Variants in SNX29 observed in about 807,000 individuals in gnomAD.
SNX29 encodes sorting nexin 29.
In SNX29, 78 loss-of-function variants were observed where a neutral mutation model predicts 102.1. That is an observed-to-expected ratio of 0.76 (90% CI 0.64 to 0.92). The LOEUF (loss-of-function observed/expected upper bound fraction) is 0.92, where lower values mean the gene tolerates loss of function less well. Ranked by LOEUF, SNX29 falls within the 40% of genes least tolerant of loss-of-function variation. SNX29 has a pLI of 0.00. For synonymous variants in SNX29, 580 were observed against 414.5 expected, an observed-to-expected ratio of 1.40 and a Z score of -4.85; for missense variants, 1,280 against 1,061.7, an observed-to-expected ratio of 1.21 and a Z score of -2.86.
At chr16:11,988,170 T>G (rs1327517720) in intron 1 of SNX29, among the ~76,000 whole-genome samples, 1 of 151,942 alleles carries the variant, frequency 6.6e-6, no homozygotes, top group Non-Finnish European at 1.5e-5. Context: ...GGCGGGTGCC[T>G]GTAATCCCAG....
intron 14 of SNX29, among the ~76,000 whole-genome samples, chr16:12,273,946 C>A (rs565571918): frequency 6.6e-6 from 1 of 152,186 alleles, no homozygotes; most frequent in Admixed American, 6.5e-5. Flanking sequence ...AATAGTACAA[C>A]CCTGCATGGC....
intron 20 of SNX29, among the ~76,000 whole-genome samples, chr16:12,542,634 G>C (rs373190754): frequency 6.6e-6 from 1 of 152,180 alleles, no homozygotes; most frequent in Admixed American, 6.5e-5. Context: ...ACCCAGTGTG[G>C]GTCTAACACT....
intron 15 of SNX29, among the ~76,000 whole-genome samples, chr16:12,328,997 C>A (rs142578919): frequency 1.3e-5 from 2 of 152,026 alleles, no homozygotes; most frequent in African/African-American, 4.8e-5. Context: ...CCTGGCCAGG[C>A]ATGATGGCTC....
intron 16 of SNX29, among the ~76,000 whole-genome samples, chr16:12,392,217 C>T (rs565396516): frequency 3.3e-5 from 5 of 152,338 alleles, no homozygotes; most frequent in South Asian, 2.1e-4. Flanking sequence ...TTCATAGCTG[C>T]GCAGCCTGGC....
intron 6 of SNX29, among the ~76,000 whole-genome samples, chr16:12,047,167 G>T (rs1261917441): frequency 1.3e-5 from 2 of 152,196 alleles, no homozygotes; most frequent in Admixed American, 1.3e-4. Flanking sequence ...TCATGGGGCT[G>T]TGAGAGAATC....
intron 14 of SNX29, among the ~76,000 whole-genome samples, chr16:12,215,649 G>A (rs1030386060): frequency 6.6e-6 from 1 of 152,162 alleles, no homozygotes; most frequent in Non-Finnish European, 1.5e-5. Context: ...GCCCTAGTTG[G>A]GTGCACTTAA....
At chr16:11,980,939 A>G (rs1186987764) in intron 1 of SNX29, among the ~76,000 whole-genome samples, 1 of 148,164 alleles carries the variant, frequency 6.7e-6, no homozygotes, top group Non-Finnish European at 1.5e-5. Context: ...CTCCCCTTCC[A>G]TGGTTTGTCT....
intron 14 of SNX29, among the ~76,000 whole-genome samples, chr16:12,247,241 C>T (rs1322310949): frequency 6.6e-6 from 1 of 152,108 alleles, no homozygotes; most frequent in East Asian, 1.9e-4. Flanking sequence ...GCTGGCTCTT[C>T]AGGTGGAGAT....
intron 18 of SNX29, among the ~76,000 whole-genome samples, chr16:12,442,228 A>G (rs76777287): frequency 5.3e-5 from 8 of 152,306 alleles, no homozygotes; most frequent in East Asian, 1.9e-4. Flanking sequence ...CAAGTTGACT[A>G]TAGATGAATG....
rs1019625708 is a variant in SNX29, at chr16:12,420,676, T to G, written c.2037+17147T>G. Among the ~76,000 whole-genome samples, 12 of 152,104 alleles carry G rather than the reference T, an allele frequency of 7.9e-5. 1 individual carries two copies. Among genetic ancestry groups the G allele is most frequent in the Admixed American group, 4.6e-4 (7 of 15,268 alleles). On this transcript the variant is annotated intron_variant, in intron 18 of 20. Transcript: ENST00000566228. The stretch of plus-strand genomic sequence containing the variant: ...TGACCTCACAGAGTTGATATAAGGA[T>G]TAAATGAGATGATAGAGGTAAAGCC...
chr16:12,549,137 TTTTGATTTAGCAGTTATCACA>T (rs1391814145), intron 20 of SNX29, among the ~76,000 whole-genome samples: 137 of 152,272 alleles, frequency 9.0e-4, no homozygotes, highest in African/African-American at 2.4e-5. Flanking sequence ...TCTGGGGTAG[TTTTGATTTAGCAGTTATCACA>T]TTTGCTGTTC....
intron 20 of SNX29, among the ~76,000 whole-genome samples, chr16:12,536,555 C>G (rs532179116): frequency 6.6e-6 from 1 of 152,282 alleles, no homozygotes; most frequent in African/African-American, 2.4e-5. Flanking sequence ...ATTATAGCCC[C>G]TACCTCAGAA....
intron 5 of SNX29, among the ~76,000 whole-genome samples, chr16:12,043,787 T>G (rs573632383): frequency 1.3e-5 from 2 of 152,270 alleles, no homozygotes; most frequent in African/African-American, 2.4e-5. Flanking sequence ...GGAGCCTCAC[T>G]CTTTTGCCCA....
intron 14 of SNX29, among the ~76,000 whole-genome samples, chr16:12,233,461 G>T (rs1457637872): frequency 6.6e-6 from 1 of 152,102 alleles, no homozygotes; most frequent in African/African-American, 2.4e-5. Flanking sequence ...GAGGAGCAAG[G>T]GTTGAAAAAC....
At chr16:12,007,883 C>T (rs1405831162) in intron 3 of SNX29, among the ~76,000 whole-genome samples, 1 of 152,218 alleles carries the variant, frequency 6.6e-6, no homozygotes, top group African/African-American at 2.4e-5. Context: ...GCCTCACATG[C>T]CCTGCTCTCT....
intron 14 of SNX29, among the ~76,000 whole-genome samples, chr16:12,262,802 A>AT (rs1321392674): frequency 1.3e-5 from 2 of 152,240 alleles, no homozygotes; most frequent in Non-Finnish European, 2.9e-5. Flanking sequence ...TTCTAAGTGT[A>AT]TAATTCATTG....
rs774279322 is a variant in SNX29, at chr16:12,568,531, G to A, written c.2344G>A (p.Val782Met). 4.3e-6 allele frequency: 7 copies of A among 1,609,740 alleles called. No homozygotes were observed. The African/African-American group carries it at 8.0e-5, about 18-fold the overall frequency. ...FVDITPPGEP[V>M]NSRPKAASRF... ...CGACATCACCCCGCCCGGAGAGCCT[G>A]TGAACAGCCGGCCCAAAGCAGCTTC... Residue 782 changes from valine to methionine, a missense_variant, in exon 21 of 21, where the codon GTG becomes ATG. By Grantham distance (21) the Val-to-Met change is conservative. Coordinates refer to ENST00000566228, the MANE Select transcript of SNX29 (RefSeq NM_032167.5).
intron 12 of SNX29, 74 bp from the exon 13 acceptor site, chr16:12,129,556 G>T (rs887194090): frequency 4.6e-6 from 7 of 1,510,618 alleles, no homozygotes; most frequent in Non-Finnish European, 6.2e-6. Context: ...CTTGACTTAT[G>T]TTAGGAACTG....
intron 9 of SNX29, 34 bp downstream of exon 9, chr16:12,061,680 A>G: frequency 6.4e-7 from 1 of 1,558,622 alleles, no homozygotes; most frequent in East Asian, 2.3e-5. Flanking sequence ...TTCCTCCAAT[A>G]AGAGCTTTGG....
Sources: allele counts gnomAD v4.1 joint callset (sites outside exome capture counted in the v4.1 genomes callset), GRCh38; gene constraint gnomAD v4.1.1; transcripts MANE v1.5; gene names NCBI Gene and HGNC (gene_info 2026-07-23, HGNC 2026-07-21).